BAHCC1: variants seen among roughly 807,000 people sequenced by gnomAD.
BAHCC1 encodes the protein BAH and coiled-coil domain-containing protein 1.
In BAHCC1, 43 loss-of-function variants were observed where a neutral mutation model predicts 88.2. The ratio of observed to expected loss-of-function variants is 0.49; its 90% confidence interval spans 0.38 to 0.63. BAHCC1 has a LOEUF of 0.63. BAHCC1 is among the 20% of genes least tolerant of loss of function. The pLI, the probability that BAHCC1 is intolerant of heterozygous loss-of-function variation, is 0.00. For synonymous variants in BAHCC1, 1,510 were observed against 745.5 expected (o/e 2.03, Z -16.71); for missense variants, 3,023 against 1,654.8 (o/e 1.83, Z -14.34).
intron 11 of BAHCC1, among the ~76,000 whole-genome samples, chr17:81,448,946 C>T (rs1160060541): frequency 1.3e-5 from 2 of 152,108 alleles, no homozygotes; most frequent in Admixed American, 1.3e-4. Context: ...GGTGGAGGCA[C>T]CTTGGGGCAG....
At chr17:81,419,023 G>A (rs1555649240) in intron 2 of BAHCC1, among the ~76,000 whole-genome samples, 1 of 152,178 alleles carries the variant, frequency 6.6e-6, no homozygotes, top group African/African-American at 2.4e-5. Flanking sequence ...CACATCTCGA[G>A]TCTGGACCAC....
At chr17:81,396,469 C>A (rs1195142240) in intron 1 of BAHCC1, 5 of 152,104 alleles carry the variant, frequency 3.3e-5, no homozygotes, top group Non-Finnish European at 5.9e-5. Context: ...CATGACTCTC[C>A]CAGGGAGCGG....
At chr17:81,404,791 G>C (rs1166246445) in intron 2 of BAHCC1, among the ~76,000 whole-genome samples, 1 of 152,190 alleles carries the variant, frequency 6.6e-6, no homozygotes, top group Non-Finnish European at 1.5e-5. Context: ...GGAGGCTGAG[G>C]CGTGGCAGGT....
chr17:81,405,689 C>T (rs1409240424), intron 2 of BAHCC1, among the ~76,000 whole-genome samples: 1 of 152,216 alleles, frequency 6.6e-6, no homozygotes, highest in Admixed American at 6.5e-5. Context: ...GAAAGCCTTG[C>T]TCCATCGTGC....
Position 81,399,705 on chromosome 17 carries a change from GA to G in BAHCC1, c.-34del, listed in dbSNP as rs1254529252. ...CCCCGGGCCCCGGCCGCGCTGCTCC[GA>G]GGAAGCGGCGGCGGACCGGGGCCGG... On this transcript the variant is annotated 5_prime_UTR_variant, in exon 2 of 28. Transcript: ENST00000675386. This position sits in a 1 kb window ranked among gnomAD's most constrained non-coding sequence, Gnocchi z 4.5. The G allele has an allele frequency of 9.9e-7, 1 of 1,011,504 alleles. No homozygotes were observed. The highest frequency in any genetic ancestry group is 1.2e-6 in the Non-Finnish European group (1 of 849,542). 62.7% of individuals were successfully genotyped at this position (1,011,504 alleles called of 1,614,324 possible).
In BAHCC1 at chr17:81,463,989, A is replaced by G; in HGVS notation, c.*172A>G. 1 of 610,176 alleles carries G rather than the reference A, an allele frequency of 1.6e-6. No individual in the cohort carries two copies. The highest frequency in any genetic ancestry group is 2.9e-6 in the Non-Finnish European group (1 of 341,088). 37.8% of individuals were successfully genotyped at this position (610,176 alleles called of 1,614,324 possible). ...CTTTCTTACGGTTTTCCCTGGAAAGAGCGCTCCAGGTGTCGGAATCCAGTC... is the reference window on the plus strand; with the variant it reads ...CTTTCTTACGGTTTTCCCTGGAAAGGGCGCTCCAGGTGTCGGAATCCAGTC... On this transcript the variant is annotated 3_prime_UTR_variant, in exon 28 of 28. Coordinates refer to ENST00000675386, the MANE Select transcript of BAHCC1 (RefSeq NM_001377448.1).
At chr17:81,424,875 G>T (rs1443486673) in intron 2 of BAHCC1, among the ~76,000 whole-genome samples, 2 of 151,244 alleles carry the variant, frequency 1.3e-5, no homozygotes, top group East Asian at 3.9e-4. Flanking sequence ...TGATGATGAT[G>T]GTAGGTGATG....
intron 2 of BAHCC1, among the ~76,000 whole-genome samples, chr17:81,418,093 T>A (rs2064058392): frequency 6.6e-6 from 1 of 152,186 alleles, no homozygotes; most frequent in Non-Finnish European, 1.5e-5. Context: ...ACTTCCAGGC[T>A]GTGGGGGCAG....
In BAHCC1 at chr17:81,449,211, C is replaced by T. The variant is rs1016993382; in HGVS notation, c.3976+1363C>T. Among the ~76,000 whole-genome samples the T allele has an allele frequency of 2.0e-5, 3 of 152,150 alleles. No homozygotes were observed. In the East Asian group the frequency reaches 5.8e-4, roughly 29 times the overall value. On this transcript the variant is annotated intron_variant, in intron 11 of 27. Coordinates refer to ENST00000675386, the MANE Select transcript of BAHCC1 (RefSeq NM_001377448.1). The stretch of plus-strand genomic sequence containing the variant: ...CCGGCCAGGCCAGGTGTCCCAATCC[C>T]CAGGGTGTGCAGAAGTGGAGTCAGG...
chr17:81,443,501 C>A lies in BAHCC1; in HGVS notation c.2152C>A (p.Arg718=). 2 of 700,484 alleles carry A rather than the reference C, an allele frequency of 2.9e-6. No homozygotes were observed. The highest frequency in any genetic ancestry group is 5.3e-6 in the Non-Finnish European group (2 of 379,366). 43.4% of individuals were successfully genotyped at this position (700,484 alleles called of 1,614,324 possible). Residue 718 remains arginine, a synonymous_variant, in exon 5 of 28, where the codon CGG becomes AGG. Transcript: ENST00000675386. ...GGCCCGGCAGAAGGACACAGTGAGC[C>A]GGTCTGAGGCAGCCTACGGCACCAA... ...ALARQKDTVS[R]SEAAYGTNTA... is the part of the protein sequence containing the mutation.
At chr17:81,404,272 T>A (rs2063853142) in intron 2 of BAHCC1, among the ~76,000 whole-genome samples, 1 of 152,226 alleles carries the variant, frequency 6.6e-6, no homozygotes, top group South Asian at 2.1e-4. Flanking sequence ...CAGAGTTAAA[T>A]AAATTATACA....
chr17:81,455,418 C>T (rs563793345), intron 15 of BAHCC1, 28 bp downstream of exon 15: 2 of 712,610 alleles, frequency 2.8e-6, no homozygotes, highest in Admixed American at 2.0e-5. Flanking sequence ...CGCCTTGCCC[C>T]AGGGCCCTTC....
At chr17:81,457,314 C>T in intron 16 of BAHCC1, 96 bp from the exon 17 acceptor site, 1 of 665,712 alleles carries the variant, frequency 1.5e-6, no homozygotes, top group East Asian at 2.7e-5. Context: ...CCACTCACAG[C>T]CCCGCCATAA....
chr17:81,397,546 C>T (rs1363253189), intron 1 of BAHCC1, among the ~76,000 whole-genome samples: 1 of 152,160 alleles, frequency 6.6e-6, no homozygotes, highest in African/African-American at 2.4e-5. Flanking sequence ...GACCTCCCTC[C>T]CTTTCCTTCT....
In BAHCC1 at chr17:81,466,152, C is replaced by T. The variant is rs2030699181; in HGVS notation, c.*2335C>T. The T allele has an allele frequency of 6.6e-6, 1 of 152,512 alleles. No individual in the cohort carries two copies. The highest frequency in any genetic ancestry group is 6.5e-5 in the Admixed American group (1 of 15,282). 9.4% of individuals were successfully genotyped at this position (152,512 alleles called of 1,614,324 possible). On this transcript the variant is annotated 3_prime_UTR_variant, in exon 28 of 28. Coordinates refer to ENST00000675386, the MANE Select transcript of BAHCC1 (RefSeq NM_001377448.1). ...GGTTAACGTGACGAAGGCACGATTC[C>T]TGTAAATGTGTAAACTAAGGGGATG...
rs2064306843 is a variant in BAHCC1, at chr17:81,434,286, G to T, written c.359-4084G>T. Among the ~76,000 whole-genome samples the T allele has an allele frequency of 6.6e-6, 1 of 152,186 alleles. No individual in the cohort carries two copies. The highest frequency in any genetic ancestry group is 1.5e-5 in the Non-Finnish European group (1 of 68,022). ...GGCTCGGGGCCACGCCCAGCTGACT[G>T]CATGACCCACTGCCCGCCCAGCCAG... is the stretch of plus-strand genomic sequence containing the variant. On this transcript the variant is annotated intron_variant, in intron 3 of 27. Transcript: ENST00000675386. This position sits in a 1 kb window ranked among gnomAD's most constrained non-coding sequence, Gnocchi z 4.9.
At chr17:81,423,998 G>C (rs2064145282) in intron 2 of BAHCC1, among the ~76,000 whole-genome samples, 1 of 152,246 alleles carries the variant, frequency 6.6e-6, no homozygotes, top group Admixed American at 6.5e-5. Flanking sequence ...CCAGAGGTGA[G>C]CGCCATCCGC....
rs1376226520 is a variant in BAHCC1 at position 81,432,442 on chromosome 17, TG to T, written c.358+5468del. On this transcript the variant is annotated intron_variant, in intron 3 of 27. Transcript: ENST00000675386. ...ATGTCCAGGGTGCCGGCGAAGGTTT[TG>T]GGGGTCGTGTGGTTGCTTCTAGCTC... Among the ~76,000 whole-genome samples the T allele has an allele frequency of 4.6e-5, 7 of 152,106 alleles. No individual in the cohort carries two copies. The South Asian group carries it at 6.2e-4, about 14-fold the overall frequency.
intron 26 of BAHCC1, 91 bp downstream of exon 26, chr17:81,462,137 C>T (rs2030353358): frequency 1.6e-6 from 1 of 623,274 alleles, no homozygotes; most frequent in African/African-American, 1.8e-5. Flanking sequence ...TCTCCTTTTT[C>T]ATCTTCCTAC....
Sources: gnomAD v4.1 joint callset for allele counts (sites outside exome capture counted in the v4.1 genomes callset) on GRCh38, gnomAD v4.1.1 for gene constraint, Gnocchi (gnomAD v3.1) non-coding constraint, MANE v1.5 for transcripts, NCBI Gene and HGNC (gene_info 2026-07-23, HGNC 2026-07-21) for gene names.